Variants in ABCA13 observed in about 807,000 individuals in gnomAD.
ABCA13 encodes ATP-binding cassette sub-family A member 13.
ABCA13 carries 476 observed loss-of-function variants against 478.7 expected under a neutral mutation model. The observed-to-expected ratio is 0.99, with a 90% CI of 0.92 to 1.07. ABCA13 has a LOEUF of 1.07. ABCA13 is among the 50% of genes least tolerant of loss of function. The pLI is 0.00. For missense variants in ABCA13, 6,060 were observed against 5,910.6 expected (o/e 1.03, Z -0.83); for synonymous variants, 2,252 against 2,158.9 (o/e 1.04, Z -1.20).
intron 39 of ABCA13, among the ~76,000 whole-genome samples, chr7:48,406,628 T>G (rs1409354270): frequency 1.3e-5 from 2 of 152,080 alleles, no homozygotes; most frequent in African/African-American, 4.8e-5. Context: ...ATTCCAGCAC[T>G]TTGGGAGGCC....
intron 56 of ABCA13, among the ~76,000 whole-genome samples, chr7:48,582,584 CT>C (rs1299501217): frequency 6.6e-6 from 1 of 152,138 alleles, no homozygotes; most frequent in Non-Finnish European, 1.5e-5. Context: ...CTCTATGATT[CT>C]AGTGCAAGAC....
Position 48,279,149 on chromosome 7 carries a change from T to G in ABCA13, c.7955T>G (p.Met2652Arg). The change falls in exon 18 of 62, where the codon ATG becomes AGG. Residue 2652 changes from methionine to arginine, a missense_variant. Met to Arg is a moderately conservative substitution (Grantham distance 91). Transcript: ENST00000435803. ...TCTGTGAAAATGAACTTGGAAGATA[T>G]GAGGAGTCTTGCGGTAGCATTTAAC... is the stretch of plus-strand genomic sequence containing the variant. ...LTSVKMNLED[M>R]RSLAVAFNNE... 1 of 1,605,732 alleles carries G rather than the reference T, an allele frequency of 6.2e-7. No homozygotes were observed. The highest frequency in any genetic ancestry group is 1.1e-5 in the South Asian group (1 of 90,402).
chr7:48,203,564 A>G (rs1360156557), intron 3 of ABCA13, among the ~76,000 whole-genome samples: 1 of 152,238 alleles, frequency 6.6e-6, no homozygotes, highest in African/African-American at 2.4e-5. Context: ...GCTTATGGTT[A>G]TGAAAATCAG....
At chr7:48,329,976 T>C (rs1804982102) in intron 27 of ABCA13, among the ~76,000 whole-genome samples, 2 of 151,862 alleles carry the variant, frequency 1.3e-5, no homozygotes, top group African/African-American at 4.8e-5. Flanking sequence ...TATCCATCTA[T>C]GCATCCATTC....
In ABCA13 at chr7:48,227,297, A is replaced by C. The variant is rs750839597; in HGVS notation, c.504A>C (p.Lys168Asn). 1 of 1,613,800 alleles carries C rather than the reference A, an allele frequency of 6.2e-7. No homozygotes were observed. Among genetic ancestry groups the C allele is most frequent in the Admixed American group, 1.7e-5 (1 of 60,010 alleles). The part of the protein sequence containing the change: ...DLNKTEEVIL[K>N]LESLHQQPHI... ...ATAAGACCGAGGAGGTAATATTGAA[A>C]CTGGAAAGCCTCCATCAGCAGCCTC... Residue 168 changes from lysine to asparagine, a missense_variant, in exon 6 of 62, where the codon AAA becomes AAC. Physicochemically the swap from Lys to Asn is moderately conservative, Grantham distance 94. Transcript: ENST00000435803.
chr7:48,364,027 A>G (rs1811293590), intron 31 of ABCA13, among the ~76,000 whole-genome samples: 1 of 152,130 alleles, frequency 6.6e-6, no homozygotes, highest in Non-Finnish European at 1.5e-5. Context: ...GTTGTGCTAA[A>G]TTTTTGTTAC....
chr7:48,198,430 T>C (rs754620518), intron 3 of ABCA13, 70 bp downstream of exon 3: 25 of 1,553,932 alleles, frequency 1.6e-5, no homozygotes, highest in Non-Finnish European at 1.8e-5. Context: ...TTCTGCTTTT[T>C]GTAAAGCCTC....
At chr7:48,612,572 A>G (rs1792132811) in intron 58 of ABCA13, among the ~76,000 whole-genome samples, 1 of 152,122 alleles carries the variant, frequency 6.6e-6, no homozygotes, top group Non-Finnish European at 1.5e-5. Flanking sequence ...ACTTTTCTCC[A>G]TGTGATTAAT....
chr7:48,541,227 T>C (rs75248473), intron 55 of ABCA13, among the ~76,000 whole-genome samples: 1,535 of 152,242 alleles, frequency 0.01, 32 homozygotes, highest in African/African-American at 0.035. Flanking sequence ...CTGTGGCATT[T>C]TTATTTGGTC....
chr7:48,192,599 A>T (rs1311100192), intron 1 of ABCA13, among the ~76,000 whole-genome samples: 16 of 152,246 alleles, frequency 1.1e-4, no homozygotes, highest in African/African-American at 3.6e-4. Context: ...TGGGTAAAAA[A>T]GTCAGAAATG....
In ABCA13 at chr7:48,294,456, T is replaced by TC. The variant is rs1799075777; in HGVS notation, c.8956-1244_8956-1243insC. On this transcript the variant is annotated intron_variant, in intron 20 of 61. Coordinates refer to ENST00000435803, the MANE Select transcript of ABCA13 (RefSeq NM_152701.5). ...TTTTTTTTTTTGTTTTGTTTTTTTTTTGAGACGGAGTCTCGCTCTGTCGCC... is the reference window on the plus strand; with the variant it reads ...TTTTTTTTTTTGTTTTGTTTTTTTTTCTGAGACGGAGTCTCGCTCTGTCGCC... Among the ~76,000 whole-genome samples, 3 of 148,652 alleles carry TC rather than the reference T, an allele frequency of 2.0e-5. No homozygotes were observed. In the East Asian group the frequency reaches 5.9e-4, roughly 29 times the overall value.
At chr7:48,299,637 A>G (rs1393310018) in intron 23 of ABCA13, among the ~76,000 whole-genome samples, 1 of 151,686 alleles carries the variant, frequency 6.6e-6, no homozygotes, top group African/African-American at 2.4e-5. Flanking sequence ...CGGAGCAGCT[A>G]CCTGGGAATG....
chr7:48,324,454 A>T (rs1443815986), intron 27 of ABCA13, among the ~76,000 whole-genome samples: 1 of 152,212 alleles, frequency 6.6e-6, no homozygotes, highest in East Asian at 1.9e-4. Flanking sequence ...TCAGCATATG[A>T]ATTTGGGAAG....
rs555935052 is a variant in ABCA13, at chr7:48,274,837, A to G, written c.5171A>G (p.Asn1724Ser). Residue 1724 changes from asparagine to serine, a missense_variant, in exon 17 of 62, where the codon AAT (asparagine) becomes AGT (serine). Coordinates refer to ENST00000435803, the MANE Select transcript of ABCA13 (RefSeq NM_152701.5). ...EKFADSSHSW[N>S]VNHLLQLSRL... is the part of the protein sequence containing the mutation. ...TTTGCAGACAGCTCACATTCTTGGA[A>G]TGTTAATCATCTGCTGCAGCTCTCA... 1.2e-6 allele frequency: 2 copies of G among 1,613,930 alleles called. No individual in the cohort carries two copies. Among genetic ancestry groups the G allele is most frequent in the South Asian group, 2.2e-5 (2 of 91,086 alleles).
At chr7:48,262,781 G>A (rs1482426789) in intron 15 of ABCA13, among the ~76,000 whole-genome samples, 1 of 151,868 alleles carries the variant, frequency 6.6e-6, no homozygotes, top group African/African-American at 2.4e-5. Flanking sequence ...AACAATTTGA[G>A]TTGTTTGAAC....
intron 51 of ABCA13, among the ~76,000 whole-genome samples, chr7:48,512,803 A>G (rs1447352269): frequency 6.6e-6 from 1 of 152,170 alleles, no homozygotes; most frequent in Non-Finnish European, 1.5e-5. Flanking sequence ...CTGGAGATTC[A>G]CAGGTCTGTT....
intron 2 of ABCA13, among the ~76,000 whole-genome samples, chr7:48,193,409 G>T (rs967921913): frequency 6.6e-6 from 1 of 152,104 alleles, no homozygotes; most frequent in African/African-American, 2.4e-5. Context: ...TAATGTTGAT[G>T]GTGGTGATGA....
At chr7:48,606,018 G>A (rs551070771) in intron 58 of ABCA13, among the ~76,000 whole-genome samples, 3 of 152,196 alleles carry the variant, frequency 2.0e-5, no homozygotes, top group South Asian at 4.2e-4. Context: ...AGTGATACTT[G>A]TGCATGCTTC....
At position 48,466,990 on chromosome 7, in the gene ABCA13, C is replaced by T; in HGVS notation, c.12850C>T (p.Leu4284Phe). 1 of 1,613,986 alleles carries T rather than the reference C, an allele frequency of 6.2e-7. No homozygotes were observed. Among genetic ancestry groups the T allele is most frequent in the Non-Finnish European group, 8.5e-7 (1 of 1,179,884 alleles). Residue 4284 changes from leucine to phenylalanine, a missense_variant, in exon 44 of 62, where the codon CTT becomes TTT. By Grantham distance (22) the Leu-to-Phe change is conservative. Coordinates refer to ENST00000435803, the MANE Select transcript of ABCA13 (RefSeq NM_152701.5). ...CGACAACTTGGACCTCACCCGTGTG[C>T]TTCTGCGGAAGTTTAGAGATCAAGA... Reference protein sequence around the residue: ...GGDNLDLTRVLLRKFRDQDLP... With the variant: ...GGDNLDLTRVFLRKFRDQDLP...
Sources: gnomAD v4.1 joint callset for allele counts (sites outside exome capture counted in the v4.1 genomes callset) on GRCh38, gnomAD v4.1.1 for gene constraint, MANE v1.5 for transcripts, NCBI Gene and HGNC (gene_info 2026-07-23, HGNC 2026-07-21) for gene names.